Variants in CENPP observed in about 807,000 individuals in gnomAD.
CENPP encodes centromere protein P.
CENPP carries 24 observed loss-of-function variants against 35.6 expected under a neutral mutation model. That is an observed-to-expected ratio of 0.67 (90% CI 0.49 to 0.95). The LOEUF is 0.95. CENPP is among the 40% of genes least tolerant of loss of function. The probability of loss-of-function intolerance (pLI) is 0.00; values close to 1 mark genes in which losing one functional copy is unlikely to be tolerated. For missense variants in CENPP, 332 were observed against 345.3 expected (o/e 0.96, Z 0.31); for synonymous variants, 120 against 125.5 (o/e 0.96, Z 0.29).
intron 3 of CENPP, among the ~76,000 whole-genome samples, chr9:92,343,071 A>G (rs1398286999): frequency 6.6e-6 from 1 of 152,252 alleles, no homozygotes; most frequent in Non-Finnish European, 1.5e-5. Flanking sequence ...CTATCTGAAA[A>G]TTAAAAAGTA....
Position 92,477,366 on chromosome 9 carries a change from G to A in CENPP, c.564+97507G>A, listed in dbSNP as rs75690917. On this transcript the variant is annotated intron_variant, in intron 5 of 7. Coordinates refer to ENST00000375587, the MANE Select transcript of CENPP (RefSeq NM_001012267.3). ...GTTGTGTGGCTCCTGACTCCTTAAGGTTTAGTGCCCAGCTTTGCCTCAACC... is the reference window on the plus strand; with the variant it reads ...GTTGTGTGGCTCCTGACTCCTTAAGATTTAGTGCCCAGCTTTGCCTCAACC... Among the ~76,000 whole-genome samples the A allele has an allele frequency of 4.8e-3, 727 of 152,230 alleles. 4 individuals are homozygous for A. Among genetic ancestry groups the A allele is most frequent in the African/African-American group, 0.015 (628 of 41,536 alleles).
In CENPP at chr9:92,619,833, C is replaced by T; in HGVS notation, c.*6684C>T. On this transcript the variant is annotated 3_prime_UTR_variant, in exon 8 of 8. Transcript: ENST00000375587. ...AGCAGTGTGGGACCCCGACTCCAGA[C>T]CCTGAGACGGATGATCTGTCTTCAG... 1 of 500,672 alleles carries T rather than the reference C, an allele frequency of 2.0e-6. No homozygotes were observed. Among genetic ancestry groups the T allele is most frequent in the African/African-American group, 1.9e-5 (1 of 52,174 alleles). 31.0% of individuals were successfully genotyped at this position (500,672 alleles called of 1,614,324 possible). A position where few individuals can be genotyped will look rare whatever the true frequency, so the allele number is the denominator to read the frequency against.
rs183257910 is a variant in CENPP at position 92,379,749 on chromosome 9, A to G, written c.468-14A>G. 99 of 1,553,894 alleles carry G rather than the reference A, an allele frequency of 6.4e-5. No individual in the cohort carries two copies. Among genetic ancestry groups the G allele is most frequent in the Middle Eastern group, 5.1e-4 (3 of 5,912 alleles). On this transcript the variant is annotated splice_polypyrimidine_tract_variant and intron_variant, in intron 4 of 7. Coordinates refer to ENST00000375587, the MANE Select transcript of CENPP (RefSeq NM_001012267.3). ...AATGATATTTATTAATCAGAGAATC[A>G]TTTATTCCTACAGAGCAGAAGAGAG...
intron 4 of CENPP, among the ~76,000 whole-genome samples, chr9:92,366,198 AGAATT>A (rs959902354): frequency 2.6e-5 from 4 of 151,444 alleles, no homozygotes; most frequent in Non-Finnish European, 4.4e-5. Context: ...AAAAAAAAAA[AGAATT>A]ATTTCCAGGG....
chr9:92,396,718 C>G (rs1228593366), intron 5 of CENPP, among the ~76,000 whole-genome samples: 1 of 151,912 alleles, frequency 6.6e-6, no homozygotes, highest in African/African-American at 2.4e-5. Context: ...GTTTGTGCCA[C>G]CACACCTGGC....
intron 5 of CENPP, among the ~76,000 whole-genome samples, chr9:92,572,676 C>T (rs1382426694): frequency 6.6e-6 from 1 of 152,184 alleles, no homozygotes; most frequent in Admixed American, 6.5e-5. Context: ...TAATATCCTG[C>T]AGAGTGTTTT....
rs1451765901 is a variant in CENPP, at chr9:92,618,696, A to G, written c.*5547A>G. ...CCTTTTTTCTACTTCAGTTAGCCCT[A>G]TAATGTTCCTCAGTATTTCATATTG... On this transcript the variant is annotated 3_prime_UTR_variant, in exon 8 of 8. Coordinates refer to ENST00000375587, the MANE Select transcript of CENPP (RefSeq NM_001012267.3). 2.6e-6 allele frequency: 1 copy of G among 388,786 alleles called. No individual in the cohort carries two copies. The highest frequency in any genetic ancestry group is 7.2e-5 in the East Asian group (1 of 13,878). 24.1% of individuals were successfully genotyped at this position (388,786 alleles called of 1,614,324 possible).
At chr9:92,352,505 G>GTGTATATATATATATATA in intron 4 of CENPP, among the ~76,000 whole-genome samples, 7 of 49,788 alleles carry the variant, frequency 1.4e-4, no homozygotes, top group African/African-American at 7.2e-4. Context: ...GTGTGTGTGT[G>GTGTATATATATATATATA]TATACATATA....
chr9:92,342,577 G>A (rs980215846), intron 3 of CENPP, among the ~76,000 whole-genome samples: 1 of 152,210 alleles, frequency 6.6e-6, no homozygotes. Flanking sequence ...GAGCCTTTTA[G>A]ATTTTATGAT....
At chr9:92,505,503 A>G (rs755990076) in intron 5 of CENPP, 2 of 1,548,854 alleles carry the variant, frequency 1.3e-6, no homozygotes, top group Admixed American at 4.2e-5. Flanking sequence ...AATATAATAC[A>G]TTTAAAACAC....
chr9:92,381,930 A>G (rs1842257807), intron 5 of CENPP, among the ~76,000 whole-genome samples: 1 of 149,422 alleles, frequency 6.7e-6, no homozygotes, highest in African/African-American at 2.5e-5. Context: ...AGCCAACCTA[A>G]TGGGTAGGAA....
At chr9:92,345,196 T>C (rs961900995) in intron 3 of CENPP, among the ~76,000 whole-genome samples, 6 of 151,840 alleles carry the variant, frequency 4.0e-5, no homozygotes, top group African/African-American at 1.5e-4. Flanking sequence ...GAGTTTGCAG[T>C]GAGCCGAGAT....
At chr9:92,505,767 T>C (rs1426849444) in intron 5 of CENPP, 5 of 1,219,154 alleles carry the variant, frequency 4.1e-6, no homozygotes, top group Non-Finnish European at 5.7e-6. Flanking sequence ...TGAAATGTCA[T>C]GTGAAATGGC....
chr9:92,386,111 T>G lies in CENPP; in HGVS notation c.564+6252T>G, dbSNP rs1588079958. ...GCTACTACAGTGATCTAACCAAAATTTGTATGTGAATAAGTGAGGTTCCCA... is the reference window on the plus strand; with the variant it reads ...GCTACTACAGTGATCTAACCAAAATGTGTATGTGAATAAGTGAGGTTCCCA... On this transcript the variant is annotated intron_variant, in intron 5 of 7. Transcript: ENST00000375587. The G allele has an allele frequency of 2.3e-5, 23 of 1,005,562 alleles. No individual in the cohort carries two copies. The East Asian group carries it at 5.7e-4, about 25-fold the overall frequency. 62.3% of individuals were successfully genotyped at this position (1,005,562 alleles called of 1,614,324 possible).
intron 5 of CENPP, chr9:92,424,382 C>T (rs372138742): frequency 2.6e-5 from 4 of 152,196 alleles, no homozygotes; most frequent in East Asian, 3.9e-4. Flanking sequence ...GGAAAACACT[C>T]GGGTTGAATT....
chr9:92,390,563 AGT>A (rs61628295), intron 5 of CENPP, among the ~76,000 whole-genome samples: 1,606 of 150,520 alleles, frequency 0.011, 13 homozygotes, highest in South Asian at 0.056. Flanking sequence ...AGAGAAATTC[AGT>A]GTGTGTGTGT....
intron 5 of CENPP, among the ~76,000 whole-genome samples, chr9:92,391,944 T>C (rs1038885112): frequency 6.6e-6 from 1 of 151,980 alleles, no homozygotes; most frequent in Non-Finnish European, 1.5e-5. Flanking sequence ...ATTTGGGAGC[T>C]ATCAGTGGCA....
In CENPP at chr9:92,386,242, G is replaced by A. The variant is rs766758491; in HGVS notation, c.564+6383G>A. ...CGTAGACTTTCTGGTAAATTAAGAG[G>A]CACGGATTCCAGGGCATTATGGTCC... On this transcript the variant is annotated intron_variant, in intron 5 of 7. Transcript: ENST00000375587. The A allele has an allele frequency of 1.2e-5, 19 of 1,613,434 alleles. 1 individual carries two copies. In the South Asian group the frequency reaches 2.0e-4, roughly 17 times the overall value.
At position 92,614,175 on chromosome 9, in the gene CENPP, C is replaced by G. The variant is rs1192657567; in HGVS notation, c.*1026C>G. The G allele has an allele frequency of 6.6e-6, 1 of 152,464 alleles. No individual in the cohort carries two copies. The highest frequency in any genetic ancestry group is 1.5e-5 in the Non-Finnish European group (1 of 68,232). The allele number at this position is 152,464 out of a possible 1,614,324, so 9.4% of individuals were successfully genotyped here. A position where few individuals can be genotyped will look rare whatever the true frequency, so the allele number is the denominator to read the frequency against. On this transcript the variant is annotated 3_prime_UTR_variant, in exon 8 of 8. Coordinates refer to ENST00000375587, the MANE Select transcript of CENPP (RefSeq NM_001012267.3). Reference sequence around the variant, plus strand: ...CCCTGAAGGACCTAGGGAGCCCAGCCCACCTTCCCACGGACTGGGGTTCCC... The same window carrying G: ...CCCTGAAGGACCTAGGGAGCCCAGCGCACCTTCCCACGGACTGGGGTTCCC...
Sources: gnomAD v4.1 joint callset for allele counts (sites outside exome capture counted in the v4.1 genomes callset) on GRCh38, gnomAD v4.1.1 for gene constraint, MANE v1.5 for transcripts, NCBI Gene and HGNC (gene_info 2026-07-23, HGNC 2026-07-21) for gene names.